Variants in STARD3NL observed in about 807,000 individuals in gnomAD.
STARD3NL encodes STARD3 N-terminal like, also known as STARD3 N-terminal-like protein.
Under a neutral mutation model 30.9 loss-of-function variants are expected in STARD3NL, and 17 were observed. The ratio of observed to expected loss-of-function variants is 0.55; its 90% CI spans 0.38 to 0.82. The LOEUF is 0.82. Among genes scored for constraint, STARD3NL ranks in the 40% least tolerant of loss-of-function variants. The pLI is 0.00. For missense variants in STARD3NL, 234 were observed against 277.6 expected, an observed-to-expected ratio of 0.84 and a Z score of 1.12; for synonymous variants, 112 against 100.5, an observed-to-expected ratio of 1.11 and a Z score of -0.69.
chr7:38,180,722 C>T lies in STARD3NL; in HGVS notation c.-59+2302C>T, dbSNP rs188427540. On this transcript the variant is annotated intron_variant, in intron 1 of 8. Coordinates refer to ENST00000009041, the MANE Select transcript of STARD3NL (RefSeq NM_032016.4). ...ACCCCACCTCCTGTTAACCTCCAAC[C>T]TTGCTACCCTGAGCAGCAAGTCTCT... is the stretch of plus-strand genomic sequence containing the variant. 2.3e-3 allele frequency among the ~76,000 whole-genome samples: 352 copies of T among 152,284 alleles called. 3 individuals carry two copies. Among genetic ancestry groups the T allele is most frequent in the African/African-American group, 8.1e-3 (337 of 41,558 alleles).
intron 2 of STARD3NL, among the ~76,000 whole-genome samples, chr7:38,209,270 A>G (rs771422161): frequency 1.8e-4 from 28 of 151,358 alleles, no homozygotes; most frequent in Non-Finnish European, 1.5e-5. Context: ...TGAGAGATGA[A>G]AAGGAAATGC....
rs374280870 is a variant in STARD3NL at position 38,210,747 on chromosome 7, G to A, written c.225+3018G>A. Among the ~76,000 whole-genome samples, 32 of 152,268 alleles carry A rather than the reference G, an allele frequency of 2.1e-4. No individual in the cohort carries two copies. In the East Asian group the frequency reaches 6.0e-3, roughly 29 times the overall value. On this transcript the variant is annotated intron_variant, in intron 2 of 8. Transcript: ENST00000009041. ...GGATCAAAGTAGTGACAGTTGAAAG[G>A]AATTTGGTTTTCTTTTTAGCTTTTG...
chr7:38,203,855 A>G (rs1785308271), intron 1 of STARD3NL, among the ~76,000 whole-genome samples: 1 of 152,236 alleles, frequency 6.6e-6, no homozygotes, highest in Non-Finnish European at 1.5e-5. Flanking sequence ...CAGACTTTAA[A>G]CCAAGAAAGA....
intron 1 of STARD3NL, among the ~76,000 whole-genome samples, chr7:38,195,891 A>G (rs1247402375): frequency 6.6e-6 from 1 of 152,202 alleles, no homozygotes; most frequent in East Asian, 1.9e-4. Flanking sequence ...CCATCTCCCA[A>G]GAAACTACTC....
intron 7 of STARD3NL, among the ~76,000 whole-genome samples, chr7:38,221,794 G>A (rs962184985): frequency 6.6e-6 from 1 of 152,196 alleles, no homozygotes; most frequent in South Asian, 2.1e-4. Context: ...TTCTCACCTT[G>A]TGACTGCCTT....
rs1784648335 is a variant in STARD3NL, at chr7:38,190,646, A to ATT, written c.-59+12226_-59+12227insTT. ...CACTCTCCTGCATAACCATTACTAA[A>ATT]CTGTAATCAATTCTCCAATTGACTT... On this transcript the variant is annotated intron_variant, in intron 1 of 8. Coordinates refer to ENST00000009041, the MANE Select transcript of STARD3NL (RefSeq NM_032016.4). Among the ~76,000 whole-genome samples, 3 of 152,216 alleles carry ATT rather than the reference A, an allele frequency of 2.0e-5. No homozygotes were observed. The South Asian group carries it at 6.2e-4, about 32-fold the overall frequency.
chr7:38,222,412 ATTGT>A (rs1583829474), intron 7 of STARD3NL, among the ~76,000 whole-genome samples: 2 of 152,328 alleles, frequency 1.3e-5, no homozygotes, highest in East Asian at 3.9e-4. Flanking sequence ...TTAGTATTAA[ATTGT>A]TTATTACCTC....
chr7:38,199,321 C>A (rs993671545), intron 1 of STARD3NL, among the ~76,000 whole-genome samples: 1 of 152,094 alleles, frequency 6.6e-6, no homozygotes, highest in African/African-American at 2.4e-5. Flanking sequence ...GGAAAAATAC[C>A]CAAGCTTTTC....
Position 38,214,453 on chromosome 7 carries a change from T to C in STARD3NL, c.303+19T>C, listed in dbSNP as rs188786122. 579 of 1,504,704 alleles carry C rather than the reference T, an allele frequency of 3.8e-4. 6 individuals carry two copies. In the East Asian group the frequency reaches 8.9e-3, roughly 23 times the overall value. The allele number at this position is 1,504,704 out of a possible 1,614,324, so 93.2% of individuals were successfully genotyped here. On this transcript the variant is annotated intron_variant, in intron 3 of 8. Transcript: ENST00000009041. Reference sequence around the variant, plus strand: ...TATATTTGTAAGTATTTTTTATGTTTCATTTCAGATGTGATAAAACTGACC... The same window carrying C: ...TATATTTGTAAGTATTTTTTATGTTCCATTTCAGATGTGATAAAACTGACC...
chr7:38,179,618 G>A (rs1051379977), intron 1 of STARD3NL, among the ~76,000 whole-genome samples: 1 of 152,250 alleles, frequency 6.6e-6, no homozygotes, highest in African/African-American at 2.4e-5. Flanking sequence ...AGATTGAGTA[G>A]TGAGCAATTT....
intron 1 of STARD3NL, among the ~76,000 whole-genome samples, chr7:38,207,180 AG>A (rs1378328116): frequency 7.2e-5 from 11 of 152,306 alleles, no homozygotes; most frequent in African/African-American, 2.4e-4. Flanking sequence ...TTTCAGTTGT[AG>A]CTAACATCCT....
At chr7:38,225,511 A>G (rs78498205) in intron 7 of STARD3NL, among the ~76,000 whole-genome samples, 7 of 146,414 alleles carry the variant, frequency 4.8e-5, no homozygotes, top group Admixed American at 4.2e-4. Flanking sequence ...TTGATTTTCA[A>G]ATATGGAGGA....
intron 1 of STARD3NL, among the ~76,000 whole-genome samples, chr7:38,186,333 T>C (rs529089579): frequency 8.9e-4 from 136 of 152,284 alleles, no homozygotes; most frequent in African/African-American, 3.1e-3. Context: ...CGGCTAAAAG[T>C]AGATTTTGTT....
intron 6 of STARD3NL, among the ~76,000 whole-genome samples, chr7:38,217,996 A>G (rs571574255): frequency 5.3e-5 from 8 of 152,202 alleles, no homozygotes; most frequent in Non-Finnish European, 7.3e-5. Flanking sequence ...ATGGCTTTCA[A>G]TATCCCAGAA....
At position 38,217,324 on chromosome 7, in the gene STARD3NL, C is replaced by A; in HGVS notation, c.553+19C>A. 2 of 1,611,444 alleles carry A rather than the reference C, an allele frequency of 1.2e-6. No homozygotes were observed. The highest frequency in any genetic ancestry group is 2.2e-5 in the South Asian group (2 of 90,834). ...GAAAACAGTAAGTTCCTCTCAAAGT[C>A]AGCCTCCTGAGGCGGACTGGATACC... On this transcript the variant is annotated intron_variant, in intron 6 of 8. Transcript: ENST00000009041.
intron 1 of STARD3NL, among the ~76,000 whole-genome samples, chr7:38,197,829 A>G (rs968123835): frequency 1.3e-5 from 2 of 152,164 alleles, no homozygotes; most frequent in East Asian, 1.9e-4. Context: ...TTCTCATACT[A>G]GCAAGGTAAG....
At chr7:38,228,207 T>C (rs1786893541) in intron 7 of STARD3NL, among the ~76,000 whole-genome samples, 1 of 152,250 alleles carries the variant, frequency 6.6e-6, no homozygotes, top group Admixed American at 6.5e-5. Context: ...TAGCTTTCTT[T>C]TCTAATTTTT....
chr7:38,204,618 C>T (rs1011238258), intron 1 of STARD3NL, among the ~76,000 whole-genome samples: 15 of 152,000 alleles, frequency 9.9e-5, no homozygotes, highest in African/African-American at 3.4e-4. Flanking sequence ...TAGCAGAAGG[C>T]AAGAAATAAC....
Position 38,199,324 on chromosome 7 carries a change from A to G in STARD3NL, c.-58-8123A>G, listed in dbSNP as rs77088900. 7.3e-4 allele frequency among the ~76,000 whole-genome samples: 111 copies of G among 152,344 alleles called. No individual in the cohort carries two copies. The East Asian group carries it at 0.019, about 26-fold the overall frequency. On this transcript the variant is annotated intron_variant, in intron 1 of 8. Transcript: ENST00000009041. ...GAAATGACATCTGGAAAAATACCCAAGCTTTTCCTCAGAAACAAAAACAAA... is the reference window on the plus strand; with the variant it reads ...GAAATGACATCTGGAAAAATACCCAGGCTTTTCCTCAGAAACAAAAACAAA...
Sources: allele counts gnomAD v4.1 joint callset (sites outside exome capture counted in the v4.1 genomes callset), GRCh38; gene constraint gnomAD v4.1.1; transcripts MANE v1.5; gene names NCBI Gene and HGNC (gene_info 2026-07-23, HGNC 2026-07-21).